Variants in FSTL4 observed in about 807,000 individuals in gnomAD.
The protein encoded by FSTL4 is follistatin-related protein 4.
FSTL4 carries 28 observed loss-of-function variants against 78.2 expected under a neutral mutation model. The observed-to-expected ratio is 0.36, with a 90% CI of 0.27 to 0.49. The LOEUF (loss-of-function observed/expected upper bound fraction) is 0.49. Among genes scored for constraint, FSTL4 ranks in the 20% least tolerant of loss-of-function variants. FSTL4 has a pLI of 0.98. For synonymous variants in FSTL4, 422 were observed against 440.5 expected (o/e 0.96, Z 0.53); for missense variants, 922 against 1,084.9 (o/e 0.85, Z 2.11).
At chr5:133,530,514 T>C (rs1030429749) in intron 3 of FSTL4, among the ~76,000 whole-genome samples, 7 of 152,118 alleles carry the variant, frequency 4.6e-5, no homozygotes, top group Non-Finnish European at 1.5e-5. Flanking sequence ...CAAAGACAAG[T>C]AAATAAGCTT....
Position 133,252,939 on chromosome 5 carries a change from G to A in FSTL4, c.728-3363C>T, listed in dbSNP as rs7736743. Among the ~76,000 whole-genome samples, 1,239 of 152,238 alleles carry A rather than the reference G, an allele frequency of 8.1e-3. 18 individuals carry two copies. Among genetic ancestry groups the A allele is most frequent in the African/African-American group, 0.028 (1,182 of 41,516 alleles). On this transcript the variant is annotated intron_variant, in intron 6 of 15. Transcript: ENST00000265342. ...TGCATGTAGAAGATGTGCACTTTGC[G>A]CAGGAAAAACTCGTGCAAAATTAGA...
chr5:133,808,140 T>C, the FSTL4 span, among the ~76,000 whole-genome samples: 1 of 152,242 alleles, frequency 6.6e-6, no homozygotes, highest in Admixed American at 6.5e-5. Context: ...CTTTTTAATA[T>C]AGTCAAATAT....
chr5:133,753,617 T>C, the FSTL4 span, among the ~76,000 whole-genome samples: 3 of 152,076 alleles, frequency 2.0e-5, no homozygotes, highest in Non-Finnish European at 4.4e-5. Flanking sequence ...TACCACTCAA[T>C]AACTATTTGA....
intron 13 of FSTL4, among the ~76,000 whole-genome samples, chr5:133,213,163 C>T (rs1320386806): frequency 6.6e-6 from 1 of 152,076 alleles, no homozygotes; most frequent in Non-Finnish European, 1.5e-5. Flanking sequence ...CCACCACGCC[C>T]AGCTAATTTT....
At chr5:133,576,990 C>T (rs988978275) in intron 2 of FSTL4, among the ~76,000 whole-genome samples, 1 of 152,152 alleles carries the variant, frequency 6.6e-6, no homozygotes, top group African/African-American at 2.4e-5. Flanking sequence ...CAAAATACAG[C>T]TAAATAAAGT....
rs141259688 is a variant in FSTL4, at chr5:133,379,029, A to G, written c.409+21709T>C. Among the ~76,000 whole-genome samples the G allele has an allele frequency of 4.4e-4, 67 of 152,312 alleles. 1 individual carries two copies. The highest frequency in any genetic ancestry group is 1.6e-3 in the African/African-American group (65 of 41,598). ...AATATATGCTGGCTGTAGAACACAT[A>G]CTTTAGAATTAAAGATATAAATAGA... is the stretch of plus-strand genomic sequence containing the variant. On this transcript the variant is annotated intron_variant, in intron 4 of 15. Coordinates refer to ENST00000265342, the MANE Select transcript of FSTL4 (RefSeq NM_015082.2).
the FSTL4 span, among the ~76,000 whole-genome samples, chr5:133,748,078 C>T: frequency 6.6e-6 from 1 of 152,050 alleles, no homozygotes; most frequent in Admixed American, 6.5e-5. Context: ...CCTGTAGTCC[C>T]AGCTACTCGA....
chr5:133,672,840 T>G, the FSTL4 span, among the ~76,000 whole-genome samples: 7 of 152,142 alleles, frequency 4.6e-5, no homozygotes, highest in Admixed American at 1.3e-4. Context: ...TTTAGAAAGT[T>G]TATTTTGCCA....
chr5:133,302,069 C>T (rs571383393), intron 6 of FSTL4, among the ~76,000 whole-genome samples: 22 of 152,076 alleles, frequency 1.4e-4, no homozygotes, highest in Admixed American at 7.9e-4. Context: ...AAACTAGTTA[C>T]GAGCGTTCGC....
chr5:133,818,179 C>G, the FSTL4 span, among the ~76,000 whole-genome samples: 1 of 152,226 alleles, frequency 6.6e-6, no homozygotes, highest in African/African-American at 2.4e-5. Flanking sequence ...CAGCCCTCAG[C>G]ATGCTCCAGG....
chr5:133,774,535 CA>C, the FSTL4 span, among the ~76,000 whole-genome samples: 1 of 152,108 alleles, frequency 6.6e-6, no homozygotes, highest in Non-Finnish European at 1.5e-5. Context: ...CACTGATAAG[CA>C]AAATCTAAGA....
the FSTL4 span, among the ~76,000 whole-genome samples, chr5:133,738,034 T>C: frequency 6.6e-6 from 1 of 152,174 alleles, no homozygotes; most frequent in African/African-American, 2.4e-5. Context: ...GGTTATCAGG[T>C]AGCTCTTGGG....
At chr5:133,701,468 AAC>A in the FSTL4 span, among the ~76,000 whole-genome samples, 4,089 of 129,014 alleles carry the variant, frequency 0.032, 117 homozygotes, top group South Asian at 0.13. Flanking sequence ...AAGACACAGA[AAC>A]ACACACACAC....
intron 3 of FSTL4, among the ~76,000 whole-genome samples, chr5:133,472,538 T>C (rs372696158): frequency 2.6e-5 from 4 of 152,168 alleles, no homozygotes; most frequent in Admixed American, 6.5e-5. Context: ...TGGAAGGCAA[T>C]TGATGGAGGG....
the FSTL4 span, among the ~76,000 whole-genome samples, chr5:133,752,369 C>T: frequency 6.6e-6 from 1 of 152,148 alleles, no homozygotes; most frequent in East Asian, 1.9e-4. Flanking sequence ...TAGGTTTTCC[C>T]AGTAACTGCC....
chr5:133,372,353 C>T (rs537364799), intron 4 of FSTL4, among the ~76,000 whole-genome samples: 3 of 152,084 alleles, frequency 2.0e-5, no homozygotes, highest in African/African-American at 7.2e-5. Flanking sequence ...GTCTTTGCCC[C>T]CTGGAGGTCA....
At chr5:133,547,041 T>G (rs1759589983) in intron 3 of FSTL4, among the ~76,000 whole-genome samples, 1 of 152,188 alleles carries the variant, frequency 6.6e-6, no homozygotes. Flanking sequence ...TAATGCCTAG[T>G]AGAGCCATGG....
At chr5:133,704,782 C>G in the FSTL4 span, among the ~76,000 whole-genome samples, 2 of 145,124 alleles carry the variant, frequency 1.4e-5, no homozygotes, top group African/African-American at 5.8e-5. Flanking sequence ...AAGGCCAGTT[C>G]TGCCAGCAGT....
intron 3 of FSTL4, among the ~76,000 whole-genome samples, chr5:133,495,363 C>G (rs942714884): frequency 6.6e-6 from 1 of 152,150 alleles, no homozygotes; most frequent in African/African-American, 2.4e-5. Context: ...GCAGGCACAC[C>G]CAGGAGGCAG....
Sources: allele counts gnomAD v4.1 joint callset (sites outside exome capture counted in the v4.1 genomes callset), GRCh38; gene constraint gnomAD v4.1.1; transcripts MANE v1.5; gene names NCBI Gene and HGNC (gene_info 2026-07-23, HGNC 2026-07-21).